Variants in CEP89 observed in about 807,000 individuals in gnomAD.
The protein encoded by CEP89 is centrosomal protein 89.
A neutral mutation model predicts 97.6 loss-of-function variants in CEP89; 95 were observed. The ratio of observed to expected loss-of-function variants is 0.97; its 90% CI spans 0.82 to 1.15. The LOEUF (loss-of-function observed/expected upper bound fraction) is 1.15, where lower values mean the gene tolerates loss of function less well. Ranked by LOEUF, CEP89 falls within the 50% of genes most tolerant of loss-of-function variation. CEP89 has a pLI of 0.00. For synonymous variants in CEP89, 354 were observed against 349.1 expected (o/e 1.01, Z -0.16); for missense variants, 869 against 947.7 (o/e 0.92, Z 1.09).
At chr19:32,913,312 TGTTG>T (rs1464443950) in intron 14 of CEP89, among the ~76,000 whole-genome samples, 20,113 of 63,984 alleles carry the variant, frequency 0.31, 1,659 homozygotes, top group Non-Finnish European at 0.4. Context: ...TATATTTTTT[TGTTG>T]TTGTTGTTGT....
rs539347139 is a variant in CEP89 at position 32,879,004 on chromosome 19, A to G, written c.*158T>C. 14 of 501,738 alleles carry G rather than the reference A, an allele frequency of 2.8e-5. No individual in the cohort carries two copies. The highest frequency in any genetic ancestry group is 3.8e-5 in the Non-Finnish European group (11 of 290,708). 31.1% of individuals were successfully genotyped at this position (501,738 alleles called of 1,614,324 possible). On this transcript the variant is annotated 3_prime_UTR_variant, in exon 19 of 19. Coordinates refer to ENST00000305768, the MANE Select transcript of CEP89 (RefSeq NM_032816.5). Reference sequence around the variant, plus strand: ...TAAAAAATAAAGCAAAATGTTATCAATGGATTAAACTATGAGACCATTTAT... The same window carrying G: ...TAAAAAATAAAGCAAAATGTTATCAGTGGATTAAACTATGAGACCATTTAT...
chr19:32,940,660 C>T (rs1172577791), intron 5 of CEP89, among the ~76,000 whole-genome samples: 1 of 152,312 alleles, frequency 6.6e-6, no homozygotes, highest in Admixed American at 6.5e-5. Context: ...CACCCACTTA[C>T]TCATCTTCCA....
At position 32,887,762 on chromosome 19, in the gene CEP89, T is replaced by A; in HGVS notation, c.1955A>T (p.Glu652Val). ...KSNIRLGKLE[E>V]KVKGYKKQAA... is the part of the protein sequence containing the mutation. ...CAAATAACCACTTACCTTGACTTTT[T>A]CCTCTAACTTTCCCAGGCGAATGTT... Residue 652 changes from glutamate (E) to valine (V), a missense_variant, in exon 17 of 19, where the codon GAA (glutamate) becomes GTA (valine). Transcript: ENST00000305768. 1 of 1,607,650 alleles carries A rather than the reference T, an allele frequency of 6.2e-7. No individual in the cohort carries two copies. The highest frequency in any genetic ancestry group is 8.5e-7 in the Non-Finnish European group (1 of 1,174,034).
intron 12 of CEP89, among the ~76,000 whole-genome samples, chr19:32,920,646 G>C (rs1245013533): frequency 6.6e-6 from 1 of 151,780 alleles, no homozygotes; most frequent in Non-Finnish European, 1.5e-5. Flanking sequence ...ACCACACCTG[G>C]CTATTTTTTA....
intron 3 of CEP89, among the ~76,000 whole-genome samples, chr19:32,958,970 T>C (rs1971107866): frequency 6.6e-6 from 1 of 151,892 alleles, no homozygotes; most frequent in Admixed American, 6.6e-5. Context: ...TGAGCCAAGA[T>C]TGTGCCATTG....
intron 2 of CEP89, among the ~76,000 whole-genome samples, chr19:32,964,968 T>C (rs191993574): frequency 7.9e-5 from 12 of 152,328 alleles, no homozygotes; most frequent in Admixed American, 6.5e-4. Context: ...TGCAGTGACA[T>C]GATCATAGCT....
intron 2 of CEP89, among the ~76,000 whole-genome samples, chr19:32,961,518 G>T (rs1971166966): frequency 6.8e-6 from 1 of 146,716 alleles, no homozygotes. Context: ...GGTGGAGCTT[G>T]CAGTGAGCCG....
At chr19:32,884,738 AC>A (rs1568542865) in intron 17 of CEP89, among the ~76,000 whole-genome samples, 1 of 151,792 alleles carries the variant, frequency 6.6e-6, no homozygotes, top group Non-Finnish European at 1.5e-5. Flanking sequence ...CTAATTTTAA[AC>A]TTTTTTTTAG....
intron 7 of CEP89, among the ~76,000 whole-genome samples, chr19:32,935,705 C>T (rs1026708205): frequency 2.6e-5 from 4 of 152,126 alleles, no homozygotes; most frequent in Admixed American, 1.3e-4. Context: ...GAGTGGCCAC[C>T]GCACAGACTC....
intron 2 of CEP89, among the ~76,000 whole-genome samples, chr19:32,961,178 C>A (rs1283924552): frequency 1.3e-5 from 2 of 152,116 alleles, no homozygotes; most frequent in Non-Finnish European, 2.9e-5. Flanking sequence ...CTATCATTCA[C>A]AAGATGCCGG....
At chr19:32,928,819 C>T (rs1475703526) in intron 9 of CEP89, among the ~76,000 whole-genome samples, 1 of 152,132 alleles carries the variant, frequency 6.6e-6, no homozygotes, top group African/African-American at 2.4e-5. Flanking sequence ...CTCTGTTGAA[C>T]TCAGGGAAGG....
intron 9 of CEP89, among the ~76,000 whole-genome samples, chr19:32,927,903 C>CTTT (rs60706354): frequency 3.4e-5 from 4 of 116,348 alleles, no homozygotes; most frequent in Non-Finnish European, 3.4e-5. Context: ...GCACACTTGG[C>CTTT]TTTTTTTTTT....
chr19:32,937,092 A>T (rs1970595227), intron 7 of CEP89: 1 of 155,134 alleles, frequency 6.4e-6, no homozygotes, highest in Non-Finnish European at 1.4e-5. Flanking sequence ...GAAAAGCGAC[A>T]CCCCAAAGAT....
chr19:32,955,397 T>C (rs1468124773), intron 3 of CEP89, among the ~76,000 whole-genome samples: 1 of 152,356 alleles, frequency 6.6e-6, no homozygotes, highest in Non-Finnish European at 1.5e-5. Context: ...TGGGGTTTTT[T>C]TCCTTCACTT....
intron 14 of CEP89, among the ~76,000 whole-genome samples, chr19:32,904,904 C>G (rs1969858062): frequency 6.6e-6 from 1 of 152,108 alleles, no homozygotes. Flanking sequence ...ATACCATTTT[C>G]TACACATTTT....
intron 17 of CEP89, among the ~76,000 whole-genome samples, chr19:32,884,702 G>A (rs77725661): frequency 1.3e-5 from 2 of 151,924 alleles, no homozygotes; most frequent in Non-Finnish European, 1.5e-5. Context: ...AGAGTTGGGA[G>A]TACAGGCGCT....
Position 32,936,332 on chromosome 19 carries a change from A to G in CEP89, c.667+1299T>C, listed in dbSNP as rs1970580469. ...ACCCATGAGCACAGGAGGGAAAGAC[A>G]AGGGGGTGCTGAGGATGGCTCTGCA... is the stretch of plus-strand genomic sequence containing the variant. On this transcript the variant is annotated intron_variant, in intron 7 of 18. Transcript: ENST00000305768. This position sits in a 1 kb window ranked among gnomAD's most constrained non-coding sequence, Gnocchi z 4.5. 6.6e-6 allele frequency among the ~76,000 whole-genome samples: 1 copy of G among 152,098 alleles called. No homozygotes were observed. The highest frequency in any genetic ancestry group is 1.5e-5 in the Non-Finnish European group (1 of 67,996).
Position 32,895,466 on chromosome 19 carries a change from C to T in CEP89, c.1875+4391G>A, listed in dbSNP as rs151331781. Reference sequence around the variant, plus strand: ...ATAAACTAGACATAGAAGGAACATACCTAACATAATAAAGGCCATATATGA... The same window carrying T: ...ATAAACTAGACATAGAAGGAACATATCTAACATAATAAAGGCCATATATGA... On this transcript the variant is annotated intron_variant, in intron 16 of 18. Transcript: ENST00000305768. Among the ~76,000 whole-genome samples, 430 of 152,140 alleles carry T rather than the reference C, an allele frequency of 2.8e-3. 3 individuals are homozygous for T. Among genetic ancestry groups the T allele is most frequent in the African/African-American group, 9.7e-3 (401 of 41,530 alleles).
intron 1 of CEP89, among the ~76,000 whole-genome samples, chr19:32,967,855 G>T (rs182152880): frequency 6.6e-6 from 1 of 152,322 alleles, no homozygotes; most frequent in African/African-American, 2.4e-5. Flanking sequence ...TCGAGGGTGG[G>T]GCTTGGGGGC....
Sources: allele counts gnomAD v4.1 joint callset (sites outside exome capture counted in the v4.1 genomes callset), GRCh38; gene constraint gnomAD v4.1.1; non-coding constraint Gnocchi (gnomAD v3.1); transcripts MANE v1.5; gene names NCBI Gene and HGNC (gene_info 2026-07-23, HGNC 2026-07-21).